Variants in TECPR2 observed in about 807,000 individuals in gnomAD.
TECPR2 encodes tectonin beta-propeller repeat containing 2.
Under a neutral mutation model 138.1 loss-of-function variants are expected in TECPR2, and 65 were observed. That is an observed-to-expected ratio of 0.47 (90% CI 0.39 to 0.58). The LOEUF (loss-of-function observed/expected upper bound fraction) is 0.58, where lower values mean the gene tolerates loss of function less well. TECPR2 is among the 20% of genes least tolerant of loss of function. The probability of loss-of-function intolerance (pLI) is 0.00; values close to 1 mark genes in which losing one functional copy is unlikely to be tolerated. For synonymous variants in TECPR2, 746 were observed against 749.8 expected, an observed-to-expected ratio of 0.99 and a Z score of 0.08; for missense variants, 1,553 against 1,824.5, an observed-to-expected ratio of 0.85 and a Z score of 2.71.
chr14:102,455,254 CTG>C (rs1890247996), intron 16 of TECPR2, among the ~76,000 whole-genome samples: 1 of 152,152 alleles, frequency 6.6e-6, no homozygotes, highest in Non-Finnish European at 1.5e-5. Context: ...CACTGACCTC[CTG>C]TGTTCCGCCT....
intron 3 of TECPR2, 152 bp downstream of exon 3, chr14:102,407,618 C>T (rs1484346648): frequency 2.2e-5 from 23 of 1,060,928 alleles, no homozygotes; most frequent in Non-Finnish European, 2.8e-5. Context: ...AATCCCAGTA[C>T]TTTGGAAGGC....
rs761517473 is a variant in TECPR2 at position 102,434,792 on chromosome 14, A to G, written c.1975A>G (p.Ser659Gly). 4 of 1,613,332 alleles carry G rather than the reference A, an allele frequency of 2.5e-6. No homozygotes were observed. The highest frequency in any genetic ancestry group is 2.7e-5 in the African/African-American group (2 of 74,938). The change falls in exon 9 of 20, where the codon AGT becomes GGT. Residue 659 changes from serine (S) to glycine (G), a missense_variant. By Grantham distance (56) the Ser-to-Gly change is moderately conservative. Coordinates refer to ENST00000359520, the MANE Select transcript of TECPR2 (RefSeq NM_014844.5). Reference sequence around the variant, plus strand: ...GCCTTCCAGCCTCAGCTGGGCCCCAAGTGCTGAACAGTGGCTGCCTGGGAC... The same window carrying G: ...GCCTTCCAGCCTCAGCTGGGCCCCAGGTGCTGAACAGTGGCTGCCTGGGAC... ...TVPSSLSWAP[S>G]AEQWLPGTRA...
chr14:102,484,722 G>A (rs542415636), intron 17 of TECPR2, among the ~76,000 whole-genome samples: 7 of 152,166 alleles, frequency 4.6e-5, no homozygotes, highest in South Asian at 4.2e-4. Context: ...GCAGTGGCCC[G>A]ATCTCAGCTC....
chr14:102,424,769 G>A (rs1266712427), intron 5 of TECPR2, among the ~76,000 whole-genome samples: 1 of 152,222 alleles, frequency 6.6e-6, no homozygotes, highest in East Asian at 1.9e-4. Context: ...TGCTAATGGG[G>A]CACACACCTG....
chr14:102,410,963 T>C (rs1405201918), intron 4 of TECPR2, among the ~76,000 whole-genome samples: 1 of 152,306 alleles, frequency 6.6e-6, no homozygotes, highest in Admixed American at 6.5e-5. Flanking sequence ...GTCGTCCCAA[T>C]TCTTAGACCT....
At chr14:102,476,920 G>T (rs1890778524) in intron 17 of TECPR2, among the ~76,000 whole-genome samples, 1 of 152,098 alleles carries the variant, frequency 6.6e-6, no homozygotes, top group Non-Finnish European at 1.5e-5. Flanking sequence ...CTGGGTGCCT[G>T]TAGTCCCAGC....
At chr14:102,493,510 A>C (rs1761814463) in intron 17 of TECPR2, among the ~76,000 whole-genome samples, 1 of 152,240 alleles carries the variant, frequency 6.6e-6, no homozygotes, top group Non-Finnish European at 1.5e-5. Flanking sequence ...CCCCAGGTCC[A>C]TGGAATGGAA....
Position 102,502,225 on chromosome 14 carries a change from G to A in TECPR2, c.*3968G>A, listed in dbSNP as rs993936561. 10 of 152,494 alleles carry A rather than the reference G, an allele frequency of 6.6e-5. No homozygotes were observed. The highest frequency in any genetic ancestry group is 2.2e-4 in the African/African-American group (9 of 41,472). 9.4% of individuals were successfully genotyped at this position (152,494 alleles called of 1,614,324 possible). ...TTCTGTAAGAAATCAGAGGGAGAAAGGGAGAGAAGGGGGAGGGAGACAACC... is the reference window on the plus strand; with the variant it reads ...TTCTGTAAGAAATCAGAGGGAGAAAAGGAGAGAAGGGGGAGGGAGACAACC... On this transcript the variant is annotated 3_prime_UTR_variant, in exon 20 of 20. Transcript: ENST00000359520.
rs1180821621 is a variant in TECPR2, at chr14:102,499,254, T to C, written c.*997T>C. 3.0e-6 allele frequency: 2 copies of C among 666,278 alleles called. No homozygotes were observed. The highest frequency in any genetic ancestry group is 2.1e-5 in the Admixed American group (1 of 47,636). 41.3% of individuals were successfully genotyped at this position (666,278 alleles called of 1,614,324 possible). A position where few individuals can be genotyped will look rare whatever the true frequency, so the allele number is the denominator to read the frequency against. Reference sequence around the variant, plus strand: ...AAATGTCTTTGGAATGGTGTTTAACTAATGCTGCTGGCGGACATCCTAAAA... The same window carrying C: ...AAATGTCTTTGGAATGGTGTTTAACCAATGCTGCTGGCGGACATCCTAAAA... On this transcript the variant is annotated 3_prime_UTR_variant, in exon 20 of 20. Transcript: ENST00000359520.
intron 17 of TECPR2, among the ~76,000 whole-genome samples, chr14:102,469,272 T>G (rs1327484404): frequency 1.3e-5 from 2 of 152,254 alleles, no homozygotes; most frequent in Non-Finnish European, 2.9e-5. Context: ...TTTGTAGTTT[T>G]CAGAGTATAT....
At chr14:102,403,577 A>T (rs1470697520) in intron 2 of TECPR2, among the ~76,000 whole-genome samples, 1 of 152,224 alleles carries the variant, frequency 6.6e-6, no homozygotes, top group Non-Finnish European at 1.5e-5. Flanking sequence ...GGAAGGAAGA[A>T]GTAAAAGTAT....
intron 1 of TECPR2, among the ~76,000 whole-genome samples, chr14:102,370,076 C>CT (rs1021059658): frequency 4.6e-4 from 68 of 146,776 alleles, no homozygotes; most frequent in East Asian, 1.2e-3. Flanking sequence ...TGAGGAATAA[C>CT]TTTTTTTTTT....
chr14:102,407,717 C>T (rs1004656034), intron 3 of TECPR2, among the ~76,000 whole-genome samples: 1 of 151,898 alleles, frequency 6.6e-6, no homozygotes, highest in Non-Finnish European at 1.5e-5. Flanking sequence ...CAAAATTTGG[C>T]CGGGTGCAGT....
At chr14:102,424,608 G>T (rs536713865) in intron 5 of TECPR2, among the ~76,000 whole-genome samples, 2 of 152,316 alleles carry the variant, frequency 1.3e-5, no homozygotes, top group African/African-American at 4.8e-5. Context: ...TGCTGAGATT[G>T]CAGGCATGAT....
intron 17 of TECPR2, among the ~76,000 whole-genome samples, chr14:102,472,109 T>A (rs1300807339): frequency 6.6e-6 from 1 of 152,182 alleles, no homozygotes; most frequent in Non-Finnish European, 1.5e-5. Flanking sequence ...GTGCCTTGCC[T>A]CCTCCTTTTC....
intron 2 of TECPR2, among the ~76,000 whole-genome samples, chr14:102,381,594 A>G (rs937054992): frequency 1.2e-4 from 19 of 152,182 alleles, no homozygotes; most frequent in Non-Finnish European, 2.1e-4. Flanking sequence ...TGAAGTTCTG[A>G]GAGAATTGTC....
At position 102,445,951 on chromosome 14, in the gene TECPR2, G is replaced by T; in HGVS notation, c.3075+4G>T. The T allele has an allele frequency of 6.2e-7, 1 of 1,613,524 alleles. No individual in the cohort carries two copies. The highest frequency in any genetic ancestry group is 1.1e-5 in the South Asian group (1 of 91,030). On this transcript the variant is annotated splice_donor_region_variant and intron_variant, in intron 13 of 19. Coordinates refer to ENST00000359520, the MANE Select transcript of TECPR2 (RefSeq NM_014844.5). ...AGATGACGACCATTGGTGGCAAGTA[G>T]GTGTTCAGCTCTGCGCCACGTGCCG...
intron 2 of TECPR2, among the ~76,000 whole-genome samples, chr14:102,384,441 G>A (rs1052230054): frequency 6.6e-6 from 1 of 151,600 alleles, no homozygotes; most frequent in Non-Finnish European, 1.5e-5. Context: ...CACTTCAGGA[G>A]GCCAAGACAG....
intron 13 of TECPR2, among the ~76,000 whole-genome samples, chr14:102,446,448 A>C (rs1157436402): frequency 6.6e-6 from 1 of 152,120 alleles, no homozygotes; most frequent in Non-Finnish European, 1.5e-5. Flanking sequence ...AAAATACAAA[A>C]ATTAGTTGGA....
Sources: allele counts gnomAD v4.1 joint callset (sites outside exome capture counted in the v4.1 genomes callset), GRCh38; gene constraint gnomAD v4.1.1; transcripts MANE v1.5; gene names NCBI Gene and HGNC (gene_info 2026-07-23, HGNC 2026-07-21).